The following PALLD variants were observed in gnomAD, a reference collection of about 807,000 sequenced individuals.
PALLD encodes palladin.
PALLD carries 61 observed loss-of-function variants against 123.5 expected under a neutral mutation model. The ratio of observed to expected loss-of-function variants is 0.49; its 90% CI spans 0.40 to 0.61. PALLD has a LOEUF of 0.61. PALLD is among the 20% of genes least tolerant of loss of function. The pLI is 0.00. For missense variants in PALLD, 1,273 were observed against 1,377.0 expected, an observed-to-expected ratio of 0.92 and a Z score of 1.20; for synonymous variants, 465 against 496.4, an observed-to-expected ratio of 0.94 and a Z score of 0.84.
intron 2 of PALLD, among the ~76,000 whole-genome samples, chr4:168,551,685 A>T (rs1488844568): frequency 1.3e-5 from 2 of 151,870 alleles, no homozygotes; most frequent in Admixed American, 6.6e-5. Flanking sequence ...TTGTTTTTTT[A>T]AATTAAAAAA....
chr4:168,862,191 G>C (rs1425669306), intron 10 of PALLD, among the ~76,000 whole-genome samples: 1 of 152,174 alleles, frequency 6.6e-6, no homozygotes, highest in East Asian at 1.9e-4. Flanking sequence ...TTTTGAGACA[G>C]GATCTTGTTC....
chr4:168,920,045 TC>T (rs1334502728), intron 17 of PALLD, among the ~76,000 whole-genome samples: 1 of 152,186 alleles, frequency 6.6e-6, no homozygotes, highest in African/African-American at 2.4e-5. Flanking sequence ...TTATCTAGGA[TC>T]TAACCTGGTA....
chr4:168,910,220 CTTTTT>C (rs70961563), intron 15 of PALLD, among the ~76,000 whole-genome samples: 4 of 114,002 alleles, frequency 3.5e-5, no homozygotes, highest in African/African-American at 6.4e-5. Context: ...AACCTGTTTA[CTTTTT>C]TTTTTTTTTT....
At position 168,921,741 on chromosome 4, in the gene PALLD, G is replaced by A. The variant is rs1460753124; in HGVS notation, c.3058G>A (p.Ala1020Thr). Reference sequence around the variant, plus strand: ...ATTCAGCCTGGAGCTTGTGGTTGCTGGTAGGCTCATCTGTGAATCCTTGCT... The same window carrying A: ...ATTCAGCCTGGAGCTTGTGGTTGCTAGTAGGCTCATCTGTGAATCCTTGCT... ...NSFSLELVVAAKEAHKPPVFI... is the reference protein window; with the variant it reads ...NSFSLELVVATKEAHKPPVFI... The change falls in exon 18 of 22, where the codon GCT becomes ACT. Residue 1020 changes from alanine (A) to threonine (T), a missense_variant and splice_region_variant. Coordinates refer to ENST00000505667, the MANE Select transcript of PALLD (RefSeq NM_001166108.2). 1 of 1,609,698 alleles carries A rather than the reference G, an allele frequency of 6.2e-7. No homozygotes were observed. The highest frequency in any genetic ancestry group is 1.1e-5 in the South Asian group (1 of 90,914).
At chr4:168,659,797 T>C (rs1778953971) in intron 2 of PALLD, among the ~76,000 whole-genome samples, 1 of 152,220 alleles carries the variant, frequency 6.6e-6, no homozygotes, top group South Asian at 2.1e-4. Flanking sequence ...CACAGAGAAT[T>C]TTCATGATAC....
At chr4:168,785,189 G>T (rs570719835) in intron 10 of PALLD, among the ~76,000 whole-genome samples, 2 of 146,216 alleles carry the variant, frequency 1.4e-5, no homozygotes, top group South Asian at 4.5e-4. Context: ...GCAGACTTGT[G>T]AATCAATTAG....
intron 10 of PALLD, among the ~76,000 whole-genome samples, chr4:168,795,060 G>A (rs1360883849): frequency 6.6e-6 from 1 of 152,128 alleles, no homozygotes; most frequent in Non-Finnish European, 1.5e-5. Context: ...GGAAGGGACC[G>A]GGAGCTCTGG....
At position 168,915,827 on chromosome 4, in the gene PALLD, G is replaced by A. The variant is rs888965486; in HGVS notation, c.2718-68G>A. 11 of 1,232,402 alleles carry A rather than the reference G, an allele frequency of 8.9e-6. No homozygotes were observed. In the South Asian group the frequency reaches 1.3e-4, roughly 15 times the overall value. 76.3% of individuals were successfully genotyped at this position (1,232,402 alleles called of 1,614,324 possible). ...TTACCCCATGTATTTTAAGAAAACA[G>A]ATGACTAAAAGTCTGGAAGTAACTA... is the stretch of plus-strand genomic sequence containing the variant. On this transcript the variant is annotated intron_variant, in intron 16 of 21. Transcript: ENST00000505667.
chr4:168,587,497 G>A (rs1339439832), intron 2 of PALLD, among the ~76,000 whole-genome samples: 1 of 152,138 alleles, frequency 6.6e-6, no homozygotes, highest in Non-Finnish European at 1.5e-5. Context: ...ACCAGTCTCT[G>A]CCAGGGACTC....
At chr4:168,872,553 A>G (rs1487561155) in intron 10 of PALLD, among the ~76,000 whole-genome samples, 2 of 152,270 alleles carry the variant, frequency 1.3e-5, no homozygotes, top group African/African-American at 2.4e-5. Context: ...GGTACTTTGT[A>G]GAAAATCCAG....
At chr4:168,511,190 CT>C (rs1386292611) in intron 1 of PALLD, among the ~76,000 whole-genome samples, 1 of 152,192 alleles carries the variant, frequency 6.6e-6, no homozygotes, top group Non-Finnish European at 1.5e-5. Context: ...CACACATCAT[CT>C]TTTTGAATGA....
intron 10 of PALLD, among the ~76,000 whole-genome samples, chr4:168,774,676 C>T (rs1047141707): frequency 7.1e-6 from 1 of 140,178 alleles, no homozygotes; most frequent in Non-Finnish European, 1.5e-5. Context: ...TGCAGTGAGC[C>T]GAGATCATGC....
At chr4:168,853,540 G>A (rs939168998) in intron 10 of PALLD, among the ~76,000 whole-genome samples, 1 of 152,190 alleles carries the variant, frequency 6.6e-6, no homozygotes, top group Non-Finnish European at 1.5e-5. Context: ...GTGTGGTTTG[G>A]AGGCCTGAGG....
intron 2 of PALLD, among the ~76,000 whole-genome samples, chr4:168,589,821 T>C (rs771826088): frequency 1.4e-4 from 21 of 152,228 alleles, no homozygotes; most frequent in Non-Finnish European, 1.0e-4. Flanking sequence ...TGAAGGTCTC[T>C]AAGGATTCCC....
chr4:168,665,317 T>C (rs533011471), intron 2 of PALLD, among the ~76,000 whole-genome samples: 1 of 152,324 alleles, frequency 6.6e-6, no homozygotes, highest in East Asian at 1.9e-4. Context: ...CCTGGTCTTA[T>C]ATTAACTTAC....
rs571249420 is a variant in PALLD at position 168,702,659 on chromosome 4, C to T, written c.1502-6369C>T. ...GACCCTGAGAGAATCACTTTGAACA[C>T]CCAGGATTCATTGATATTGAGCCTG... On this transcript the variant is annotated intron_variant, in intron 8 of 21. Coordinates refer to ENST00000505667, the MANE Select transcript of PALLD (RefSeq NM_001166108.2). Among the ~76,000 whole-genome samples the T allele has an allele frequency of 8.2e-4, 125 of 152,236 alleles. 1 individual carries two copies. The South Asian group carries it at 0.019, about 23-fold the overall frequency.
rs1762729473 is a variant in PALLD at position 168,927,662 on chromosome 4, T to G, written c.*1482T>G. On this transcript the variant is annotated 3_prime_UTR_variant, in exon 22 of 22. Transcript: ENST00000505667. ...GTTCACTTCCCTGCTGCCATGAAAC[T>G]TTGCCTTAAGAAGGTGCTGGATTCC... 1 of 226,362 alleles carries G rather than the reference T, an allele frequency of 4.4e-6. No individual in the cohort carries two copies. The highest frequency in any genetic ancestry group is 1.8e-4 in the South Asian group (1 of 5,490). The allele number at this position is 226,362 out of a possible 1,614,324, so 14.0% of individuals were successfully genotyped here. A position where few individuals can be genotyped will look rare whatever the true frequency, so the allele number is the denominator to read the frequency against.
Position 168,643,900 on chromosome 4 carries a change from G to C in PALLD, c.909-24290G>C, listed in dbSNP as rs960876647. Among the ~76,000 whole-genome samples the C allele has an allele frequency of 2.0e-5, 3 of 152,202 alleles. No homozygotes were observed. In the East Asian group the frequency reaches 5.8e-4, roughly 29 times the overall value. On this transcript the variant is annotated intron_variant, in intron 2 of 21. Transcript: ENST00000505667. ...AACTGAAGCTCAGAGAGGCTAAGTA[G>C]TTTGCAAAAATTCATTCATGGAGGA...
At chr4:168,780,093 T>C (rs1735699932) in intron 10 of PALLD, among the ~76,000 whole-genome samples, 1 of 152,128 alleles carries the variant, frequency 6.6e-6, no homozygotes, top group African/African-American at 2.4e-5. Context: ...GAGATGGGGT[T>C]TCACCATGTT....
Sources: allele counts gnomAD v4.1 joint callset (sites outside exome capture counted in the v4.1 genomes callset), GRCh38; gene constraint gnomAD v4.1.1; transcripts MANE v1.5; gene names NCBI Gene and HGNC (gene_info 2026-07-23, HGNC 2026-07-21).